Variants in GRIN2D observed in about 807,000 individuals in gnomAD.
The protein encoded by GRIN2D is glutamate receptor ionotropic, NMDA 2D.
GRIN2D carries 37 observed loss-of-function variants against 103.2 expected under a neutral mutation model. The observed-to-expected ratio is 0.36, with a 90% CI of 0.28 to 0.47. GRIN2D has a LOEUF of 0.47. GRIN2D is among the 20% of genes least tolerant of loss of function. GRIN2D has a pLI of 1.00. For missense variants in GRIN2D, 1,557 were observed against 1,910.6 expected, an observed-to-expected ratio of 0.81 and a Z score of 3.45; for synonymous variants, 845 against 885.6, an observed-to-expected ratio of 0.95 and a Z score of 0.81.
chr19:48,433,224 C>T (rs887819896), intron 11 of GRIN2D, among the ~76,000 whole-genome samples: 11 of 151,262 alleles, frequency 7.3e-5, no homozygotes, highest in Non-Finnish European at 1.3e-4. Context: ...AAAAATTAGC[C>T]GGGCATGATG....
chr19:48,415,166 T>C (rs1246618028), intron 7 of GRIN2D, 134 bp downstream of exon 7: 1 of 789,234 alleles, frequency 1.3e-6, no homozygotes, highest in African/African-American at 1.8e-5. Flanking sequence ...AGCTCAGGGG[T>C]TCGAGACCAG....
Position 48,412,212 on chromosome 19 carries a change from C to A in GRIN2D, c.1086-1779C>A, listed in dbSNP as rs1436876530. On this transcript the variant is annotated intron_variant, in intron 4 of 13. Transcript: ENST00000263269. ...GGTGTGGTGGCAGGTGCCTGTAGTC[C>A]CAGTTACTTGTGAGGCTGAGGCAGG... 7.9e-5 allele frequency among the ~76,000 whole-genome samples: 12 copies of A among 151,596 alleles called. No homozygotes were observed. In the East Asian group the frequency reaches 2.1e-3, roughly 27 times the overall value.
At chr19:48,408,029 A>T (rs1190153665) in intron 4 of GRIN2D, among the ~76,000 whole-genome samples, 1 of 152,004 alleles carries the variant, frequency 6.6e-6, no homozygotes, top group African/African-American at 2.4e-5. Flanking sequence ...TCTCTACAAA[A>T]AATTTAAAGA....
chr19:48,399,893 C>A (rs1970688640), intron 3 of GRIN2D, among the ~76,000 whole-genome samples: 1 of 107,386 alleles, frequency 9.3e-6, no homozygotes, highest in African/African-American at 3.7e-5. Flanking sequence ...GCGGGGCCAG[C>A]GAGGGGCGGG....
intron 4 of GRIN2D, among the ~76,000 whole-genome samples, chr19:48,413,217 G>A (rs113141148): frequency 1.4e-5 from 2 of 142,756 alleles, no homozygotes; most frequent in African/African-American, 5.2e-5. Context: ...GCTCATGCCT[G>A]TAATCCCAAC....
rs1352249361 is a variant in GRIN2D, at chr19:48,421,975, G to A, written c.2252+30G>A. ...GCGCAGACTCGGGCCGGGGGTGGGG[G>A]TTGGGCCGCTGGGGACCTGAGGATG... On this transcript the variant is annotated intron_variant, in intron 11 of 13. Coordinates refer to ENST00000263269, the MANE Select transcript of GRIN2D (RefSeq NM_000836.4). This position sits in a 1 kb window ranked among gnomAD's most constrained non-coding sequence, Gnocchi z 4.8. 1.2e-6 allele frequency: 2 copies of A among 1,605,180 alleles called. No homozygotes were observed. Among genetic ancestry groups the A allele is most frequent in the South Asian group, 1.1e-5 (1 of 90,730 alleles).
chr19:48,409,557 G>A (rs544052942), intron 4 of GRIN2D, among the ~76,000 whole-genome samples: 12 of 152,134 alleles, frequency 7.9e-5, no homozygotes, highest in African/African-American at 2.4e-4. Context: ...GATTACGGGC[G>A]TGAGCCACTG....
intron 2 of GRIN2D, among the ~76,000 whole-genome samples, chr19:48,396,316 A>G (rs1307814046): frequency 6.6e-6 from 1 of 151,778 alleles, no homozygotes; most frequent in African/African-American, 2.4e-5. Flanking sequence ...TGCTCTCCCT[A>G]ATCCCTGTGG....
intron 4 of GRIN2D, 44 bp from the exon 5 acceptor site, chr19:48,413,947 C>G: frequency 3.5e-6 from 4 of 1,133,846 alleles, no homozygotes; most frequent in Non-Finnish European, 5.4e-6. Flanking sequence ...CTGCCAAGGT[C>G]CAGCCCAGGC....
chr19:48,425,342 A>G (rs1215122929), intron 11 of GRIN2D, among the ~76,000 whole-genome samples: 1 of 152,088 alleles, frequency 6.6e-6, no homozygotes, highest in Non-Finnish European at 1.5e-5. Flanking sequence ...CCCGGGTTCA[A>G]GCGATTCTCC....
At chr19:48,401,659 G>A (rs1223886394) in intron 3 of GRIN2D, among the ~76,000 whole-genome samples, 4 of 152,234 alleles carry the variant, frequency 2.6e-5, no homozygotes, top group Admixed American at 2.6e-4. Flanking sequence ...TTCACGCAGG[G>A]CCTTGGGGCC....
At position 48,404,652 on chromosome 19, in the gene GRIN2D, G is replaced by A. The variant is rs930272177; in HGVS notation, c.466-82G>A. On this transcript the variant is annotated intron_variant, in intron 3 of 13. Transcript: ENST00000263269. ...ACCTGTCGAGTCAGTCTGCCATATT[G>A]GGAGCTGTGGTCCCCTTATTCATTG... 3.2e-5 allele frequency: 43 copies of A among 1,362,322 alleles called. No homozygotes were observed. The African/African-American group carries it at 5.2e-4, about 17-fold the overall frequency. The allele number at this position is 1,362,322 out of a possible 1,614,324, so 84.4% of individuals were successfully genotyped here. A position where few individuals can be genotyped will look rare whatever the true frequency, so the allele number is the denominator to read the frequency against.
At chr19:48,395,578 C>G (rs1016874197) in intron 2 of GRIN2D, among the ~76,000 whole-genome samples, 17 of 152,004 alleles carry the variant, frequency 1.1e-4, no homozygotes, top group African/African-American at 2.9e-4. Context: ...AGCTGTTGAT[C>G]GAAGTGGCCG....
Position 48,405,914 on chromosome 19 carries a change from A to G in GRIN2D, c.1085+561A>G, listed in dbSNP as rs1820299565. On this transcript the variant is annotated intron_variant, in intron 4 of 13. Transcript: ENST00000263269. The surrounding 1 kb of genome is among the most constrained non-coding windows in gnomAD (Gnocchi z 5.1). ...TGCATGGTCGAAGTGGGTCGTGGGG[A>G]TGTCTGAATTGTAGCTCATGAGAAG... Among the ~76,000 whole-genome samples the G allele has an allele frequency of 6.6e-6, 1 of 152,032 alleles. No homozygotes were observed. Among genetic ancestry groups the G allele is most frequent in the Non-Finnish European group, 1.5e-5 (1 of 68,020 alleles).
In GRIN2D at chr19:48,398,461, C is replaced by A; in HGVS notation, c.69C>A (p.Ala23=). ...PAKMLLLLAL[A]CASPFPEEAP... ...AGATGCTGCTGCTGCTGGCGCTGGC[C>A]TGCGCCAGCCCGTTCCCGGAGGAGG... Residue 23 remains alanine, a synonymous_variant, in exon 3 of 14, where the codon GCC becomes GCA. Coordinates refer to ENST00000263269, the MANE Select transcript of GRIN2D (RefSeq NM_000836.4). 1 of 1,068,624 alleles carries A rather than the reference C, an allele frequency of 9.4e-7. No homozygotes were observed. The highest frequency in any genetic ancestry group is 1.1e-6 in the Non-Finnish European group (1 of 884,428). The allele number at this position is 1,068,624 out of a possible 1,614,324, so 66.2% of individuals were successfully genotyped here.
chr19:48,443,525 A>T lies in GRIN2D; in HGVS notation c.3599A>T (p.Asp1200Val). ...PPPRHLSCSH[D>V]GLDGGWWAPP... ...CCGCGCCATCTCAGCTGCTCGCACG[A>T]TGGCCTGGACGGCGGCTGGTGGGCG... Residue 1200 changes from aspartate (D) to valine (V), a missense_variant, in exon 14 of 14, where the codon GAT (aspartate) becomes GTT (valine). Physicochemically the swap from Asp to Val is radical, Grantham distance 152 (BLOSUM62 -3). This residue lies in a region of GRIN2D where 632 missense variants were observed against 572.8 expected (regional missense o/e 1.10). Coordinates refer to ENST00000263269, the MANE Select transcript of GRIN2D (RefSeq NM_000836.4). The surrounding 1 kb of genome is among the most constrained non-coding windows in gnomAD (Gnocchi z 8.9). 1.5e-6 allele frequency: 2 copies of T among 1,328,512 alleles called. No individual in the cohort carries two copies. The highest frequency in any genetic ancestry group is 9.6e-7 in the Non-Finnish European group (1 of 1,040,076). 82.3% of individuals were successfully genotyped at this position (1,328,512 alleles called of 1,614,324 possible).
At chr19:48,412,878 C>A in intron 4 of GRIN2D, among the ~76,000 whole-genome samples, 1 of 147,848 alleles carries the variant, frequency 6.8e-6, no homozygotes, top group Non-Finnish European at 1.5e-5. Flanking sequence ...TGCCTGTAAT[C>A]CCAACACTTT....
rs1309477511 is a variant in GRIN2D, at chr19:48,441,766, C to A, written c.2253-3C>A. The A allele has an allele frequency of 6.2e-7, 1 of 1,607,258 alleles. No individual in the cohort carries two copies. Among genetic ancestry groups the A allele is most frequent in the East Asian group, 2.2e-5 (1 of 44,736 alleles). On this transcript the variant is annotated splice_region_variant and splice_polypyrimidine_tract_variant and intron_variant, in intron 11 of 13. Coordinates refer to ENST00000263269, the MANE Select transcript of GRIN2D (RefSeq NM_000836.4). ...CCCTACCCTCCATTCCCCCTCCCCC[C>A]AGGAAGCTGGACGCCTTCATCTACG...
chr19:48,438,821 C>G (rs942125016), intron 11 of GRIN2D, among the ~76,000 whole-genome samples: 3 of 151,852 alleles, frequency 2.0e-5, no homozygotes, highest in African/African-American at 4.8e-5. Flanking sequence ...CCCTCTGTCA[C>G]CCAGGCTGGG....
Sources: allele counts gnomAD v4.1 joint callset (sites outside exome capture counted in the v4.1 genomes callset), GRCh38; gene constraint gnomAD v4.1.1; regional missense constraint gnomAD v4.1.1; non-coding constraint Gnocchi (gnomAD v3.1); transcripts MANE v1.5; gene names NCBI Gene and HGNC (gene_info 2026-07-23, HGNC 2026-07-21).